Variants in EPHA5 observed in about 807,000 individuals in gnomAD.
The protein encoded by EPHA5 is EPH receptor A5, also known as ephrin type-A receptor 5.
EPHA5 carries 60 observed loss-of-function variants against 105.0 expected under a neutral mutation model. The observed-to-expected ratio is 0.57, with a 90% CI of 0.46 to 0.71. EPHA5 has a LOEUF of 0.71. Among genes scored for constraint, EPHA5 ranks in the 30% least tolerant of loss-of-function variants. The pLI, the probability that EPHA5 is intolerant of heterozygous loss-of-function variation, is 0.00. For missense variants in EPHA5, 1,218 were observed against 1,274.7 expected, an observed-to-expected ratio of 0.96 and a Z score of 0.68; for synonymous variants, 513 against 449.1, an observed-to-expected ratio of 1.14 and a Z score of -1.80.
At chr4:65,610,559 A>G (rs1016898907) in intron 2 of EPHA5, among the ~76,000 whole-genome samples, 5 of 152,134 alleles carry the variant, frequency 3.3e-5, no homozygotes, top group African/African-American at 1.2e-4. Context: ...TTAATTAATT[A>G]AACAAATAAA....
intron 8 of EPHA5, among the ~76,000 whole-genome samples, chr4:65,388,002 G>GTTCC (rs1720296432): frequency 9.0e-6 from 1 of 111,586 alleles, no homozygotes; most frequent in African/African-American, 3.6e-5. Context: ...AGAGTGTGAT[G>GTTCC]TTCCCCTTCC....
Position 65,574,057 on chromosome 4 carries a change from C to A in EPHA5, c.910+27584G>T. On this transcript the variant is annotated intron_variant, in intron 3 of 16. Coordinates refer to ENST00000613740, the MANE Select transcript of EPHA5 (RefSeq NM_001281766.3). ...CAGAAATTTGTCATTGCCACCTCAA[C>A]CAAAATCGATATCAGCAATGTAAAA... is the stretch of plus-strand genomic sequence containing the variant. The A allele has an allele frequency of 3.7e-6, 6 of 1,600,504 alleles. No individual in the cohort carries two copies. In the Middle Eastern group the frequency reaches 6.7e-4, roughly 178 times the overall value.
intron 1 of EPHA5, among the ~76,000 whole-genome samples, chr4:65,654,805 T>G (rs1270320196): frequency 6.8e-6 from 1 of 147,222 alleles, no homozygotes; most frequent in Non-Finnish European, 1.5e-5. Context: ...AAATCCTAAA[T>G]TAGATAGGAT....
At chr4:65,666,533 T>G (rs1461415137) in intron 1 of EPHA5, among the ~76,000 whole-genome samples, 3 of 152,220 alleles carry the variant, frequency 2.0e-5, no homozygotes, top group Non-Finnish European at 2.9e-5. Context: ...TTATTTAAAT[T>G]TTCACTTGCA....
At chr4:65,562,399 T>C (rs1739101683) in intron 3 of EPHA5, among the ~76,000 whole-genome samples, 1 of 152,214 alleles carries the variant, frequency 6.6e-6, no homozygotes, top group Middle Eastern at 3.4e-3. Flanking sequence ...CCATAAATAT[T>C]TGCAGACCTT....
intron 2 of EPHA5, among the ~76,000 whole-genome samples, chr4:65,627,914 A>G (rs896654961): frequency 6.6e-6 from 1 of 152,162 alleles, no homozygotes; most frequent in Non-Finnish European, 1.5e-5. Context: ...AGCATAAACT[A>G]TGTGTATTAA....
intron 14 of EPHA5, among the ~76,000 whole-genome samples, chr4:65,337,731 G>C (rs1461466428): frequency 6.6e-6 from 1 of 152,010 alleles, no homozygotes; most frequent in Non-Finnish European, 1.5e-5. Context: ...CTAGAGCATA[G>C]GAGATAGCTG....
At chr4:65,590,862 T>C (rs948213439) in intron 3 of EPHA5, among the ~76,000 whole-genome samples, 1 of 152,146 alleles carries the variant, frequency 6.6e-6, no homozygotes, top group Non-Finnish European at 1.5e-5. Context: ...TTATCATTAA[T>C]GCAGTATACA....
intron 8 of EPHA5, among the ~76,000 whole-genome samples, chr4:65,375,654 T>C (rs1718923420): frequency 6.6e-6 from 1 of 151,956 alleles, no homozygotes; most frequent in South Asian, 2.1e-4. Context: ...AATGTTCTTT[T>C]CTAAGTTGTA....
intron 16 of EPHA5, among the ~76,000 whole-genome samples, chr4:65,324,841 T>C (rs369328706): frequency 6.6e-6 from 1 of 150,800 alleles, no homozygotes; most frequent in South Asian, 2.1e-4. Context: ...TGCTGAATAT[T>C]ACATGCTTTC....
chr4:65,553,853 A>G (rs560141758), intron 3 of EPHA5, among the ~76,000 whole-genome samples: 221 of 152,180 alleles, frequency 1.5e-3, no homozygotes, highest in Non-Finnish European at 2.7e-3. Flanking sequence ...AAAATGAAAG[A>G]ACTTTCAGTA....
At chr4:65,426,453 A>G (rs561521527) in intron 5 of EPHA5, among the ~76,000 whole-genome samples, 1 of 152,168 alleles carries the variant, frequency 6.6e-6, no homozygotes, top group South Asian at 2.1e-4. Flanking sequence ...TTTTCTTTAT[A>G]ATGGCACTGC....
chr4:65,460,164 T>C (rs923571345), intron 5 of EPHA5, among the ~76,000 whole-genome samples: 1 of 151,634 alleles, frequency 6.6e-6, no homozygotes, highest in Non-Finnish European at 1.5e-5. Flanking sequence ...TATGTACATG[T>C]ATTCTGCTGA....
At chr4:65,428,906 C>T (rs1298874270) in intron 5 of EPHA5, among the ~76,000 whole-genome samples, 2 of 151,936 alleles carry the variant, frequency 1.3e-5, no homozygotes, top group Non-Finnish European at 2.9e-5. Flanking sequence ...TCATAGTATT[C>T]TGTAAAATAA....
chr4:65,567,421 T>G (rs753640852), intron 3 of EPHA5, among the ~76,000 whole-genome samples: 2 of 151,616 alleles, frequency 1.3e-5, no homozygotes, highest in Non-Finnish European at 3.0e-5. Flanking sequence ...TATTGGTGTA[T>G]GTAAGTTAAT....
chr4:65,428,883 A>G (rs767184551), intron 5 of EPHA5, among the ~76,000 whole-genome samples: 1 of 152,076 alleles, frequency 6.6e-6, no homozygotes, highest in Admixed American at 6.6e-5. Flanking sequence ...ATAGAAAACT[A>G]TATCACTGGC....
intron 3 of EPHA5, among the ~76,000 whole-genome samples, chr4:65,514,724 A>T (rs1338968182): frequency 6.6e-6 from 1 of 152,040 alleles, no homozygotes; most frequent in African/African-American, 2.4e-5. Flanking sequence ...TTCTCCCTAA[A>T]ATGCTCGTCA....
chr4:65,612,559 A>G (rs1421030600), intron 2 of EPHA5, among the ~76,000 whole-genome samples: 1 of 152,182 alleles, frequency 6.6e-6, no homozygotes. Context: ...CATTTTCTTT[A>G]TCCAATCATC....
chr4:65,423,515 A>G (rs1023399238), intron 5 of EPHA5, among the ~76,000 whole-genome samples: 5 of 151,980 alleles, frequency 3.3e-5, no homozygotes, highest in African/African-American at 1.2e-4. Context: ...AATTTATGTA[A>G]TTATTTACAT....
Sources: allele counts gnomAD v4.1 joint callset (sites outside exome capture counted in the v4.1 genomes callset), GRCh38; gene constraint gnomAD v4.1.1; transcripts MANE v1.5; gene names NCBI Gene and HGNC (gene_info 2026-07-23, HGNC 2026-07-21).